Variants in NEO1 observed in about 807,000 individuals in gnomAD.
NEO1 encodes neogenin.
NEO1 carries 63 observed loss-of-function variants against 159.7 expected under a neutral mutation model. That is an observed-to-expected ratio of 0.39 (90% CI 0.32 to 0.49). The LOEUF is 0.49. Among genes scored for constraint, NEO1 ranks in the 20% least tolerant of loss-of-function variants. NEO1 has a pLI of 0.85. For synonymous variants in NEO1, 633 were observed against 662.0 expected, an observed-to-expected ratio of 0.96 and a Z score of 0.67; for missense variants, 1,615 against 1,831.0, an observed-to-expected ratio of 0.88 and a Z score of 2.15.
intron 1 of NEO1, among the ~76,000 whole-genome samples, chr15:73,092,160 C>T (rs1336609949): frequency 6.6e-6 from 1 of 152,076 alleles, no homozygotes; most frequent in Admixed American, 6.5e-5. Context: ...ACATTTGTAA[C>T]TCAGGTGGAT....
chr15:73,191,363 A>C (rs2036227353), intron 7 of NEO1, among the ~76,000 whole-genome samples: 1 of 151,698 alleles, frequency 6.6e-6, no homozygotes, highest in African/African-American at 2.4e-5. Flanking sequence ...AGAAAGACAG[A>C]GTATCGATGA....
intron 7 of NEO1, among the ~76,000 whole-genome samples, chr15:73,203,745 C>A (rs2037050399): frequency 6.6e-6 from 1 of 152,052 alleles, no homozygotes; most frequent in African/African-American, 2.4e-5. Flanking sequence ...TAAGAGTATT[C>A]CCAATTCTTC....
At chr15:73,056,322 A>G (rs1346605636) in intron 1 of NEO1, among the ~76,000 whole-genome samples, 3 of 152,218 alleles carry the variant, frequency 2.0e-5, no homozygotes, top group Non-Finnish European at 2.9e-5. Context: ...TATCTAGTCA[A>G]TGAATTTTTC....
In NEO1 at chr15:73,126,425, G is replaced by T. The variant is rs2030255930; in HGVS notation, c.733G>T (p.Val245Leu). ...VELKVLPDPE[V>L]ISDLVFLKQP... is the part of the protein sequence containing the mutation. ...ATTTTTTTTTTTTTTAGATCCTGAGGTGATATCAGACTTGGTATTTTTGAA... is the reference window on the plus strand; with the variant it reads ...ATTTTTTTTTTTTTTAGATCCTGAGTTGATATCAGACTTGGTATTTTTGAA... The change falls in exon 4 of 29, where the codon GTG (valine) becomes TTG (leucine). Residue 245 changes from valine to leucine, a missense_variant. Coordinates refer to ENST00000261908, the MANE Select transcript of NEO1 (RefSeq NM_002499.4). 1.9e-6 allele frequency: 3 copies of T among 1,590,510 alleles called. No individual in the cohort carries two copies. Among genetic ancestry groups the T allele is most frequent in the Non-Finnish European group, 2.6e-6 (3 of 1,171,428 alleles).
At chr15:73,278,702 T>C (rs1032311015) in intron 22 of NEO1, among the ~76,000 whole-genome samples, 1 of 152,238 alleles carries the variant, frequency 6.6e-6, no homozygotes, top group Non-Finnish European at 1.5e-5. Context: ...TAAGCTACTT[T>C]CACACATGAA....
chr15:73,252,398 A>C (rs929023607), intron 11 of NEO1, among the ~76,000 whole-genome samples: 2 of 152,222 alleles, frequency 1.3e-5, no homozygotes, highest in East Asian at 3.9e-4. Flanking sequence ...AAAGTGAGGA[A>C]CTAAAGTTAC....
chr15:73,302,822 G>A lies in NEO1; in HGVS notation c.*126G>A. 1.2e-6 allele frequency: 1 copy of A among 851,134 alleles called. No individual in the cohort carries two copies. The allele number at this position is 851,134 out of a possible 1,614,324, so 52.7% of individuals were successfully genotyped here. ...GAACACAGAATGAGCCAGCAGACTGGCCAGCGCCTCTGTGTAGGGCTGGCT... is the reference window on the plus strand; with the variant it reads ...GAACACAGAATGAGCCAGCAGACTGACCAGCGCCTCTGTGTAGGGCTGGCT... On this transcript the variant is annotated 3_prime_UTR_variant, in exon 29 of 29. Coordinates refer to ENST00000261908, the MANE Select transcript of NEO1 (RefSeq NM_002499.4).
At chr15:73,186,146 A>G (rs2035908953) in intron 7 of NEO1, among the ~76,000 whole-genome samples, 1 of 151,832 alleles carries the variant, frequency 6.6e-6, no homozygotes, top group Non-Finnish European at 1.5e-5. Flanking sequence ...AACAAAGATA[A>G]GAATTGCAGC....
At chr15:73,259,513 C>A (rs545778052) in intron 14 of NEO1, among the ~76,000 whole-genome samples, 14 of 151,986 alleles carry the variant, frequency 9.2e-5, no homozygotes, top group Non-Finnish European at 1.6e-4. Context: ...GGGTGTGTGC[C>A]AACACACTTA....
At chr15:73,223,969 T>G (rs1264300943) in intron 7 of NEO1, among the ~76,000 whole-genome samples, 1 of 152,262 alleles carries the variant, frequency 6.6e-6, no homozygotes, top group African/African-American at 2.4e-5. Flanking sequence ...AGAGCTCCTT[T>G]TAGCGGTCTC....
At chr15:73,056,877 C>T (rs1198190309) in intron 1 of NEO1, among the ~76,000 whole-genome samples, 2 of 152,130 alleles carry the variant, frequency 1.3e-5, no homozygotes, top group Non-Finnish European at 2.9e-5. Flanking sequence ...TGGCGTTGCT[C>T]TGCCTGTCTG....
At chr15:73,058,471 T>A (rs1041715197) in intron 1 of NEO1, among the ~76,000 whole-genome samples, 1 of 152,214 alleles carries the variant, frequency 6.6e-6, no homozygotes, top group East Asian at 1.9e-4. Context: ...TCTCCTGTTA[T>A]GGATATGGAA....
chr15:73,132,397 C>T (rs1214622618), intron 4 of NEO1, among the ~76,000 whole-genome samples: 3 of 152,104 alleles, frequency 2.0e-5, no homozygotes, highest in Non-Finnish European at 4.4e-5. Context: ...CATTACTCTG[C>T]TCAAAAGCCT....
chr15:73,187,450 C>T (rs1373382940), intron 7 of NEO1, among the ~76,000 whole-genome samples: 1 of 152,130 alleles, frequency 6.6e-6, no homozygotes, highest in African/African-American at 2.4e-5. Context: ...AAACAGACAT[C>T]CACTGATGAG....
Position 73,298,563 on chromosome 15 carries a change from C to T in NEO1, c.4117C>T (p.Pro1373Ser). The T allele has an allele frequency of 6.2e-7, 1 of 1,614,220 alleles. No individual in the cohort carries two copies. Among genetic ancestry groups the T allele is most frequent in the African/African-American group, 1.3e-5 (1 of 75,066 alleles). Residue 1373 changes from proline to serine, a missense_variant, in exon 27 of 29, where the codon CCC becomes TCC. Coordinates refer to ENST00000261908, the MANE Select transcript of NEO1 (RefSeq NM_002499.4). ...GCCAGCAATCCCGCCTCCAGGACCT[C>T]CCACCTATGATCCTGCATTGCCAAG... is the stretch of plus-strand genomic sequence containing the variant. ...AVPAIPPPGP[P>S]TYDPALPSTP... is the part of the protein sequence containing the mutation.
chr15:73,198,458 A>G (rs188848786), intron 7 of NEO1, among the ~76,000 whole-genome samples: 1 of 151,952 alleles, frequency 6.6e-6, no homozygotes, highest in African/African-American at 2.4e-5. Context: ...TTTTAGCCTA[A>G]TGTTAGGAAT....
At chr15:73,243,775 A>G (rs990967761) in intron 8 of NEO1, among the ~76,000 whole-genome samples, 1 of 152,256 alleles carries the variant, frequency 6.6e-6, no homozygotes, top group Non-Finnish European at 1.5e-5. Context: ...TGAAGTGTTA[A>G]TTTTAAGAAA....
intron 5 of NEO1, among the ~76,000 whole-genome samples, chr15:73,138,780 C>A (rs868767338): frequency 3.2e-3 from 474 of 147,662 alleles, no homozygotes; most frequent in African/African-American, 0.01. Flanking sequence ...AACAAAAAAA[C>A]AAAAAAACAA....
At chr15:73,301,541 G>A in intron 28 of NEO1, 84 bp downstream of exon 28, 1 of 1,574,052 alleles carries the variant, frequency 6.4e-7, no homozygotes, top group Non-Finnish European at 8.7e-7. Flanking sequence ...CTGATAATCT[G>A]TGCATACCAG....
Sources: allele counts gnomAD v4.1 joint callset (sites outside exome capture counted in the v4.1 genomes callset), GRCh38; gene constraint gnomAD v4.1.1; transcripts MANE v1.5; gene names NCBI Gene and HGNC (gene_info 2026-07-23, HGNC 2026-07-21).